The following CCDC38 variants were observed in gnomAD, a reference collection of about 807,000 sequenced individuals.
CCDC38 encodes the protein coiled-coil domain containing 38.
A neutral mutation model predicts 72.8 loss-of-function variants in CCDC38; 69 were observed. The ratio of observed to expected loss-of-function variants is 0.95; its 90% CI spans 0.78 to 1.16. The LOEUF is 1.16. CCDC38 is among the 50% of genes most tolerant of loss of function. The pLI is 0.00. For synonymous variants in CCDC38, 201 were observed against 213.2 expected, an observed-to-expected ratio of 0.94 and a Z score of 0.50; for missense variants, 626 against 638.9, an observed-to-expected ratio of 0.98 and a Z score of 0.22.
intron 2 of CCDC38, chr12:95,933,895 T>C (rs2080363361): frequency 6.6e-6 from 1 of 152,198 alleles, no homozygotes; most frequent in African/African-American, 2.4e-5. Context: ...AATATAATGT[T>C]GGCTGGGCAT....
chr12:95,901,726 TA>T (rs1393411771), intron 5 of CCDC38, among the ~76,000 whole-genome samples: 1 of 152,160 alleles, frequency 6.6e-6, no homozygotes, highest in African/African-American at 2.4e-5. Context: ...AAGTGTTAAA[TA>T]AAAGGAATAC....
At chr12:95,873,382 G>A (rs911651938) in intron 13 of CCDC38, among the ~76,000 whole-genome samples, 5 of 152,128 alleles carry the variant, frequency 3.3e-5, no homozygotes, top group African/African-American at 1.2e-4. Context: ...AGGTACCCAG[G>A]CTGGCCTACC....
At chr12:95,919,742 C>T (rs1322915774) in intron 2 of CCDC38, 1 of 399,354 alleles carries the variant, frequency 2.5e-6, no homozygotes, top group East Asian at 7.2e-5. Flanking sequence ...ACCCTTACAC[C>T]ACCATTTCAA....
At chr12:95,908,042 G>A (rs1000624248) in intron 4 of CCDC38, among the ~76,000 whole-genome samples, 1 of 152,068 alleles carries the variant, frequency 6.6e-6, no homozygotes, top group East Asian at 2.0e-4. Flanking sequence ...ACGGGGTGGC[G>A]GCCTTCCCAG....
intron 1 of CCDC38, among the ~76,000 whole-genome samples, chr12:95,938,485 T>C (rs1387879012): frequency 6.6e-6 from 1 of 152,226 alleles, no homozygotes; most frequent in African/African-American, 2.4e-5. Context: ...TCTTTATCCA[T>C]GGGTTCAAGG....
intron 5 of CCDC38, among the ~76,000 whole-genome samples, chr12:95,905,473 C>T (rs566112821): frequency 2.9e-4 from 44 of 152,274 alleles, no homozygotes; most frequent in African/African-American, 9.9e-4. Flanking sequence ...TGCTTTTTAA[C>T]AAACAAAGCC....
At chr12:95,878,572 C>T (rs1344192526) in intron 12 of CCDC38, among the ~76,000 whole-genome samples, 10 of 152,172 alleles carry the variant, frequency 6.6e-5, no homozygotes, top group Non-Finnish European at 7.3e-5. Context: ...GCATTTTCTT[C>T]CCCTCCCCTA....
chr12:95,907,880 G>T (rs2080028805), intron 4 of CCDC38, among the ~76,000 whole-genome samples: 1 of 151,276 alleles, frequency 6.6e-6, no homozygotes, highest in African/African-American at 2.4e-5. Flanking sequence ...TCCTAGATGG[G>T]ATGGCGGCCG....
chr12:95,893,620 G>A (rs1592770089), intron 8 of CCDC38, among the ~76,000 whole-genome samples: 2 of 151,870 alleles, frequency 1.3e-5, no homozygotes, highest in East Asian at 1.9e-4. Context: ...CTGAGTAGCT[G>A]GGAGGTGTGC....
chr12:95,880,328 A>G (rs2079685832), intron 11 of CCDC38, among the ~76,000 whole-genome samples: 1 of 152,218 alleles, frequency 6.6e-6, no homozygotes, highest in South Asian at 2.1e-4. Flanking sequence ...TCAATGTAGT[A>G]TACACATACT....
chr12:95,936,452 T>C (rs1331168955), intron 2 of CCDC38, 21 bp downstream of exon 2: 3 of 1,611,296 alleles, frequency 1.9e-6, no homozygotes, highest in Non-Finnish European at 8.5e-7. Context: ...AACAAGAATA[T>C]ATTGATTGAT....
intron 3 of CCDC38, among the ~76,000 whole-genome samples, chr12:95,918,197 T>C (rs1202335641): frequency 6.6e-6 from 1 of 152,188 alleles, no homozygotes; most frequent in Admixed American, 6.5e-5. Context: ...ACCACAGCAG[T>C]GGTGAGATTA....
rs1565950677 is a variant in CCDC38, at chr12:95,895,086, C to T, written c.675G>A (p.Leu225=). Residue 225 remains leucine, a synonymous_variant, in exon 8 of 16, where the codon CTG becomes CTA. Transcript: ENST00000344280. ...TTTGCCAATGTTTTGGAGACATTTG[C>T]AGCAGAAAAAAACCATATTTCATAT... ...REYMKYGFFL[L]QMSPKHWQIQ... is the part of the protein sequence containing the mutation. The T allele has an allele frequency of 1.2e-6, 2 of 1,612,242 alleles. No homozygotes were observed. The highest frequency in any genetic ancestry group is 1.7e-6 in the Non-Finnish European group (2 of 1,179,324).
chr12:95,940,059 C>T (rs1050768924), intron 1 of CCDC38, among the ~76,000 whole-genome samples: 5 of 152,140 alleles, frequency 3.3e-5, no homozygotes, highest in African/African-American at 9.7e-5. Flanking sequence ...ATGCAAAGTG[C>T]CTGCTCATAG....
Position 95,879,612 on chromosome 12 carries a change from T to A in CCDC38, c.1142+32A>T. On this transcript the variant is annotated intron_variant, in intron 12 of 15. Transcript: ENST00000344280. This position sits in a 1 kb window ranked among gnomAD's most constrained non-coding sequence, Gnocchi z 5.5. ...CAGGCTCTGGTTAGAAATTGCTTAA[T>A]GGAATAAATCTACTTGTTTATAATG... 1 of 1,481,296 alleles carries A rather than the reference T, an allele frequency of 6.8e-7. No homozygotes were observed. The highest frequency in any genetic ancestry group is 9.3e-7 in the Non-Finnish European group (1 of 1,079,274). The allele number at this position is 1,481,296 out of a possible 1,614,324, so 91.8% of individuals were successfully genotyped here. A position where few individuals can be genotyped will look rare whatever the true frequency, so the allele number is the denominator to read the frequency against.
intron 5 of CCDC38, among the ~76,000 whole-genome samples, chr12:95,904,249 A>T (rs2079978673): frequency 6.6e-6 from 1 of 152,252 alleles, no homozygotes; most frequent in Admixed American, 6.5e-5. Context: ...AAATAAAAAA[A>T]TAAAGATGCC....
chr12:95,920,629 A>G (rs1565963207), intron 2 of CCDC38, among the ~76,000 whole-genome samples: 1 of 152,196 alleles, frequency 6.6e-6, no homozygotes, highest in Non-Finnish European at 1.5e-5. Flanking sequence ...GATTCCATTT[A>G]TATAAAATAT....
At chr12:95,930,187 C>T (rs538850249) in intron 2 of CCDC38, among the ~76,000 whole-genome samples, 1 of 152,276 alleles carries the variant, frequency 6.6e-6, no homozygotes, top group South Asian at 2.1e-4. Context: ...TATAAACTCA[C>T]CACATGAACT....
chr12:95,919,700 T>C (rs984437469), intron 2 of CCDC38: 3 of 447,502 alleles, frequency 6.7e-6, no homozygotes, highest in African/African-American at 6.0e-5. Context: ...TATTAATATG[T>C]TTCTTCTCAC....
Sources: allele counts gnomAD v4.1 joint callset (sites outside exome capture counted in the v4.1 genomes callset), GRCh38; gene constraint gnomAD v4.1.1; non-coding constraint Gnocchi (gnomAD v3.1); transcripts MANE v1.5; gene names NCBI Gene and HGNC (gene_info 2026-07-23, HGNC 2026-07-21).